ELL: variants seen among roughly 807,000 people sequenced by gnomAD.
ELL encodes the protein elongation factor for RNA polymerase II.
Under a neutral mutation model 64.0 loss-of-function variants are expected in ELL, and 18 were observed. The ratio of observed to expected loss-of-function variants is 0.28; its 90% confidence interval spans 0.19 to 0.42. The LOEUF is 0.42. Ranked by LOEUF, ELL falls within the 10% of genes least tolerant of loss-of-function variation. ELL has a pLI of 1.00. For missense variants in ELL, 797 were observed against 870.4 expected (o/e 0.92, Z 1.06); for synonymous variants, 399 against 376.2 (o/e 1.06, Z -0.70).
At chr19:18,496,672 A>T (rs902498552) in intron 1 of ELL, among the ~76,000 whole-genome samples, 2 of 152,250 alleles carry the variant, frequency 1.3e-5, no homozygotes, top group Admixed American at 6.5e-5. Context: ...AGGTGGGGCC[A>T]GCTCCAGGCT....
intron 1 of ELL, among the ~76,000 whole-genome samples, chr19:18,509,589 GCGCGCACATACACACACACACACACACA>G (rs1287005628): frequency 3.6e-5 from 4 of 110,144 alleles, no homozygotes; most frequent in African/African-American, 8.8e-5. Context: ...ACGTGCGCGC[GCGCGCACATACACACACACACACACACA>G]CACACACACA....
intron 2 of ELL, among the ~76,000 whole-genome samples, chr19:18,468,419 C>A (rs1340233548): frequency 6.6e-6 from 1 of 152,190 alleles, no homozygotes; most frequent in African/African-American, 2.4e-5. Context: ...CCTGCCTGCA[C>A]CTCCCTTCCC....
rs765705162 is a variant in ELL, at chr19:18,465,899, G to A, written c.203C>T (p.Pro68Leu). 4.5e-6 allele frequency: 6 copies of A among 1,326,442 alleles called. No homozygotes were observed. In the East Asian group the frequency reaches 8.4e-5, roughly 19 times the overall value. The allele number at this position is 1,326,442 out of a possible 1,614,324, so 82.2% of individuals were successfully genotyped here. Residue 68 changes from proline (P) to leucine (L), a missense_variant, in exon 3 of 12, where the codon CCT (proline) becomes CTT (leucine). Transcript: ENST00000262809. Reference protein sequence around the residue: ...GSQGHISIPQPDCPAEARTFS... With the variant: ...GSQGHISIPQLDCPAEARTFS... ...CGTCCGCGCCTCTGCGGGGCAGTCAGGCTGGGGGATGGAGATGTGCTGCGT... is the reference window on the plus strand; with the variant it reads ...CGTCCGCGCCTCTGCGGGGCAGTCAAGCTGGGGGATGGAGATGTGCTGCGT...
At chr19:18,500,680 C>T (rs1007514089) in intron 1 of ELL, among the ~76,000 whole-genome samples, 1 of 152,116 alleles carries the variant, frequency 6.6e-6, no homozygotes, top group African/African-American at 2.4e-5. Flanking sequence ...TCTCCCTGTG[C>T]CAGGCCCCGG....
Position 18,479,202 on chromosome 19 carries a change from G to A in ELL, c.136-6320C>T, listed in dbSNP as rs545803708. Among the ~76,000 whole-genome samples, 8 of 152,260 alleles carry A rather than the reference G, an allele frequency of 5.3e-5. No homozygotes were observed. The East Asian group carries it at 1.2e-3, about 22-fold the overall frequency. On this transcript the variant is annotated intron_variant, in intron 1 of 11. Transcript: ENST00000262809. The stretch of plus-strand genomic sequence containing the variant: ...GGGGACAGTCCCCACCATCTGGCTC[G>A]GGGGAGGCCAGGGATGCTGCTCAGC...
At position 18,501,116 on chromosome 19, in the gene ELL, G is replaced by A. The variant is rs966154590; in HGVS notation, c.135+20805C>T. On this transcript the variant is annotated intron_variant, in intron 1 of 11. Coordinates refer to ENST00000262809, the MANE Select transcript of ELL (RefSeq NM_006532.4). This position sits in a 1 kb window ranked among gnomAD's most constrained non-coding sequence, Gnocchi z 4.5. ...CCCAGGAGAAGAACGAGCGGGCCAC[G>A]ACACTGTTCTCGCCAGCTATGCCTG... Among the ~76,000 whole-genome samples the A allele has an allele frequency of 3.9e-5, 6 of 151,982 alleles. No individual in the cohort carries two copies. The East Asian group carries it at 5.8e-4, about 15-fold the overall frequency.
chr19:18,496,484 T>A (rs1363563812), intron 1 of ELL, among the ~76,000 whole-genome samples: 1 of 151,978 alleles, frequency 6.6e-6, no homozygotes, highest in Non-Finnish European at 1.5e-5. Flanking sequence ...CCTGTCTTCC[T>A]GGGCTCGAGA....
At chr19:18,490,067 C>T (rs1975496122) in intron 1 of ELL, among the ~76,000 whole-genome samples, 2 of 152,228 alleles carry the variant, frequency 1.3e-5, no homozygotes, top group African/African-American at 2.4e-5. Context: ...GCTTACACGC[C>T]AGCTGCGTCT....
At chr19:18,457,169 G>T (rs147734080) in intron 6 of ELL, among the ~76,000 whole-genome samples, 1 of 152,298 alleles carries the variant, frequency 6.6e-6, no homozygotes, top group African/African-American at 2.4e-5. Context: ...CATGAGCCTT[G>T]AATCAGGGGA....
rs1045871606 is a variant in ELL at position 18,449,401 on chromosome 19, G to A, written c.1465+1076C>T. The stretch of plus-strand genomic sequence containing the variant: ...GGAGTAAGGCCACCTTCTCCCCGTC[G>A]GCCCCCACATGCAGTCCCACGGGAG... On this transcript the variant is annotated intron_variant, in intron 8 of 11. Transcript: ENST00000262809. The surrounding 1 kb of genome is among the most constrained non-coding windows in gnomAD (Gnocchi z 4.4). Among the ~76,000 whole-genome samples, 6 of 152,142 alleles carry A rather than the reference G, an allele frequency of 3.9e-5. No homozygotes were observed. In the South Asian group the frequency reaches 8.3e-4, roughly 21 times the overall value.
chr19:18,501,191 C>G lies in ELL; in HGVS notation c.135+20730G>C, dbSNP rs1177918930. 6.6e-6 allele frequency among the ~76,000 whole-genome samples: 1 copy of G among 152,232 alleles called. No individual in the cohort carries two copies. The highest frequency in any genetic ancestry group is 2.4e-5 in the African/African-American group (1 of 41,520). On this transcript the variant is annotated intron_variant, in intron 1 of 11. Transcript: ENST00000262809. The surrounding 1 kb of genome is among the most constrained non-coding windows in gnomAD (Gnocchi z 4.5). ...GGGGCCACGTAGACAACCTGTGACA[C>G]AGTGAACCCCACTCCACGCCAAACC...
intron 5 of ELL, among the ~76,000 whole-genome samples, chr19:18,460,172 C>T (rs148501338): frequency 6.6e-6 from 1 of 151,928 alleles, no homozygotes; most frequent in Non-Finnish European, 1.5e-5. Flanking sequence ...AGTTTTGTCA[C>T]TGCCATTCCT....
chr19:18,506,203 CCA>C (rs1036449060), intron 1 of ELL, among the ~76,000 whole-genome samples: 4 of 152,222 alleles, frequency 2.6e-5, no homozygotes, highest in Non-Finnish European at 4.4e-5. Context: ...AACCAGCCCC[CCA>C]CAGTCAACAT....
rs1976293364 is a variant in ELL, at chr19:18,522,003, C to T, written c.53G>A (p.Ser18Asn). 1 of 1,611,290 alleles carries T rather than the reference C, an allele frequency of 6.2e-7. No homozygotes were observed. Among genetic ancestry groups the T allele is most frequent in the African/African-American group, 1.3e-5 (1 of 74,430 alleles). The change falls in exon 1 of 12, where the codon AGC becomes AAC. Residue 18 changes from serine to asparagine, a missense_variant. Physicochemically the swap from Ser to Asn is conservative, Grantham distance 46 (BLOSUM62 1). Coordinates refer to ENST00000262809, the MANE Select transcript of ELL (RefSeq NM_006532.4). ...RSYGLSCGRV[S>N]DGSKVSVFHV... The stretch of plus-strand genomic sequence containing the variant: ...GAACACCGACACCTTGCTGCCGTCG[C>T]TAACCCGCCCGCACGACAGCCCGTA...
At chr19:18,445,559 G>A (rs1401289641) in intron 10 of ELL, among the ~76,000 whole-genome samples, 1 of 150,146 alleles carries the variant, frequency 6.7e-6, no homozygotes, top group African/African-American at 2.5e-5. Context: ...GAGGGGGTGG[G>A]GGGGTGCAGC....
chr19:18,514,979 C>CGGGATGTCACAATCCGGGT (rs1568401968), intron 1 of ELL, among the ~76,000 whole-genome samples: 1 of 152,190 alleles, frequency 6.6e-6, no homozygotes, highest in Non-Finnish European at 1.5e-5. Flanking sequence ...GTCTCCCAGT[C>CGGGATGTCACAATCCGGGT]GGGATGTCAC....
chr19:18,486,387 G>A lies in ELL; in HGVS notation c.136-13505C>T, dbSNP rs75845972. ...AAGATGTACTCTGTGACCCAGAGTGGGGGTGCGGTCCTGGGAGTGTCCACT... is the reference window on the plus strand; with the variant it reads ...AAGATGTACTCTGTGACCCAGAGTGAGGGTGCGGTCCTGGGAGTGTCCACT... On this transcript the variant is annotated intron_variant, in intron 1 of 11. Transcript: ENST00000262809. 1.1e-3 allele frequency among the ~76,000 whole-genome samples: 171 copies of A among 152,302 alleles called. 3 individuals are homozygous for A. In the East Asian group the frequency reaches 0.028, roughly 25 times the overall value.
At position 18,462,012 on chromosome 19, in the gene ELL, G is replaced by C. The variant is rs553351584; in HGVS notation, c.470-160C>G. Among the ~76,000 whole-genome samples the C allele has an allele frequency of 6.6e-5, 10 of 152,280 alleles. No individual in the cohort carries two copies. In the South Asian group the frequency reaches 2.1e-3, roughly 32 times the overall value. On this transcript the variant is annotated intron_variant, in intron 4 of 11. Coordinates refer to ENST00000262809, the MANE Select transcript of ELL (RefSeq NM_006532.4). ...GCCAGCTTGCTCCTTGGGGACCCTG[G>C]GCGACCAAGAGCGCCACCTGCTGCC...
At chr19:18,472,690 TG>T in intron 2 of ELL, 144 bp downstream of exon 2, 1 of 993,960 alleles carries the variant, frequency 1.0e-6, no homozygotes, top group Non-Finnish European at 1.5e-6. Context: ...GGGGCTATCC[TG>T]GGGGCCTAGA....
Sources: allele counts gnomAD v4.1 joint callset (sites outside exome capture counted in the v4.1 genomes callset), GRCh38; gene constraint gnomAD v4.1.1; non-coding constraint Gnocchi (gnomAD v3.1); transcripts MANE v1.5; gene names NCBI Gene and HGNC (gene_info 2026-07-23, HGNC 2026-07-21).